The following TRAPPC9 variants were observed in gnomAD, a reference collection of about 807,000 sequenced individuals.
TRAPPC9 encodes the protein trafficking protein particle complex subunit 9.
Under a neutral mutation model 124.0 loss-of-function variants are expected in TRAPPC9, and 83 were observed. The observed-to-expected ratio is 0.67, with a 90% CI of 0.56 to 0.80. The LOEUF (loss-of-function observed/expected upper bound fraction) is 0.80. Ranked by LOEUF, TRAPPC9 falls within the 30% of genes least tolerant of loss-of-function variation. TRAPPC9 has a pLI of 0.00. For synonymous variants in TRAPPC9, 638 were observed against 617.5 expected (o/e 1.03, Z -0.49); for missense variants, 1,302 against 1,508.3 (o/e 0.86, Z 2.27).
intron 2 of TRAPPC9, among the ~76,000 whole-genome samples, chr8:140,447,004 C>A (rs771206240): frequency 1.3e-5 from 2 of 152,204 alleles, no homozygotes; most frequent in African/African-American, 4.8e-5. Context: ...CCTTCATGCA[C>A]GGCCCACAGC....
chr8:140,194,081 C>T (rs956052368), intron 17 of TRAPPC9, among the ~76,000 whole-genome samples: 1 of 152,200 alleles, frequency 6.6e-6, no homozygotes, highest in African/African-American at 2.4e-5. Context: ...GGGTTGAACT[C>T]TCTGAAAATT....
At chr8:139,781,574 C>A (rs1028611865) in intron 21 of TRAPPC9, among the ~76,000 whole-genome samples, 25 of 152,166 alleles carry the variant, frequency 1.6e-4, no homozygotes, top group African/African-American at 6.0e-4. Flanking sequence ...TTTATTCAAA[C>A]GCATAGAATG....
chr8:140,063,851 C>T lies in TRAPPC9; in HGVS notation c.2557-39772G>A, dbSNP rs145317814. ...CACCCTTTCGGGTTCACAATTTGCC[C>T]GCTTCCTATCACACCCCTAAATGCA... On this transcript the variant is annotated intron_variant, in intron 17 of 22. Coordinates refer to ENST00000438773, the MANE Select transcript of TRAPPC9 (RefSeq NM_001160372.4). The surrounding 1 kb of genome is among the most constrained non-coding windows in gnomAD (Gnocchi z 4.3). 4.3e-4 allele frequency among the ~76,000 whole-genome samples: 65 copies of T among 152,182 alleles called. No homozygotes were observed. Among genetic ancestry groups the T allele is most frequent in the African/African-American group, 1.5e-3 (63 of 41,500 alleles).
intron 17 of TRAPPC9, among the ~76,000 whole-genome samples, chr8:140,129,005 T>TATATATATTAA (rs1563783126): frequency 0.12 from 15,714 of 132,178 alleles, 1,212 homozygotes; most frequent in Admixed American, 0.17. Flanking sequence ...ATATATATAT[T>TATATATATTAA]AAAAAAAAAA....
intron 15 of TRAPPC9, among the ~76,000 whole-genome samples, chr8:140,264,802 G>A (rs542870974): frequency 3.8e-4 from 58 of 152,264 alleles, no homozygotes; most frequent in African/African-American, 1.3e-3. Context: ...TCTTGGGACT[G>A]CAACTAAACA....
At chr8:140,292,462 C>A (rs770374773) in intron 11 of TRAPPC9, among the ~76,000 whole-genome samples, 2 of 152,196 alleles carry the variant, frequency 1.3e-5, no homozygotes, top group East Asian at 1.9e-4. Flanking sequence ...CAGATAAGAA[C>A]GTCTGTTGAC....
chr8:140,422,973 G>C (rs2070274786), intron 5 of TRAPPC9, among the ~76,000 whole-genome samples: 2 of 152,104 alleles, frequency 1.3e-5, no homozygotes, highest in African/African-American at 4.8e-5. Context: ...CAATCAAAAA[G>C]GTAACAAGTA....
At position 140,119,201 on chromosome 8, in the gene TRAPPC9, G is replaced by A. The variant is rs927902045; in HGVS notation, c.2557-95122C>T. On this transcript the variant is annotated intron_variant, in intron 17 of 22. Coordinates refer to ENST00000438773, the MANE Select transcript of TRAPPC9 (RefSeq NM_001160372.4). ...CCAGCCAAACCACGCCAGGCGTGGC[G>A]TCCTGCAGCCAGCAAGCACACGGGG... Among the ~76,000 whole-genome samples the A allele has an allele frequency of 3.9e-5, 6 of 152,240 alleles. No homozygotes were observed. In the South Asian group the frequency reaches 8.3e-4, roughly 21 times the overall value.
chr8:140,369,955 G>GA (rs1279681897), intron 8 of TRAPPC9, among the ~76,000 whole-genome samples: 3 of 151,136 alleles, frequency 2.0e-5, no homozygotes, highest in African/African-American at 7.3e-5. Context: ...TCTGTCTCAG[G>GA]AAAAAAAATA....
intron 17 of TRAPPC9, among the ~76,000 whole-genome samples, chr8:140,127,089 C>G (rs4377941): frequency 0.48 from 72,918 of 151,996 alleles, 17,822 homozygotes; most frequent in Admixed American, 0.57. Flanking sequence ...AACCAAGAGA[C>G]AGAAACCCTC....
intron 21 of TRAPPC9, among the ~76,000 whole-genome samples, chr8:139,756,352 G>T (rs1323192227): frequency 7.0e-6 from 1 of 142,874 alleles, no homozygotes; most frequent in East Asian, 2.2e-4. Context: ...AGGAGCCAGG[G>T]TGGGGGTAGA....
chr8:140,359,131 C>T (rs114076928), intron 9 of TRAPPC9, among the ~76,000 whole-genome samples: 2,982 of 152,310 alleles, frequency 0.02, 97 homozygotes, highest in African/African-American at 0.068. Context: ...GCAGGGCTCC[C>T]CGTGCAGCTG....
At chr8:140,376,316 G>C (rs1414934418) in intron 7 of TRAPPC9, among the ~76,000 whole-genome samples, 1 of 152,076 alleles carries the variant, frequency 6.6e-6, no homozygotes, top group Non-Finnish European at 1.5e-5. Flanking sequence ...TAGCACTTTG[G>C]GAGGATGAGG....
chr8:140,235,120 T>C (rs1292495678), intron 16 of TRAPPC9, among the ~76,000 whole-genome samples: 1 of 152,102 alleles, frequency 6.6e-6, no homozygotes, highest in Non-Finnish European at 1.5e-5. Context: ...TACAAGCGCC[T>C]GCCACCATGC....
In TRAPPC9 at chr8:140,049,550, C is replaced by A. The variant is rs72685265; in HGVS notation, c.2557-25471G>T. ...GAAGATAAATCCTACAGGGCTCCCCCCCCCGAGACCACCAAATTATTTCCC... is the reference window on the plus strand; with the variant it reads ...GAAGATAAATCCTACAGGGCTCCCCACCCCGAGACCACCAAATTATTTCCC... On this transcript the variant is annotated intron_variant, in intron 17 of 22. Transcript: ENST00000438773. Among the ~76,000 whole-genome samples the A allele has an allele frequency of 5.4e-3, 815 of 151,944 alleles. 13 individuals are homozygous for A. The highest frequency in any genetic ancestry group is 0.018 in the African/African-American group (746 of 41,382).
intron 17 of TRAPPC9, among the ~76,000 whole-genome samples, chr8:140,214,943 G>C (rs904822727): frequency 6.6e-6 from 1 of 152,162 alleles, no homozygotes; most frequent in Admixed American, 6.5e-5. Context: ...TATAGGTTTA[G>C]CACGATTCCA....
chr8:139,736,874 T>C (rs1043269155), intron 21 of TRAPPC9, among the ~76,000 whole-genome samples: 1 of 152,144 alleles, frequency 6.6e-6, no homozygotes, highest in African/African-American at 2.4e-5. Context: ...TGGGCTCATT[T>C]CTGCAGGGCC....
At chr8:140,272,036 GGTGGTGGTT>G (rs1181736640) in intron 15 of TRAPPC9, among the ~76,000 whole-genome samples, 2 of 150,956 alleles carry the variant, frequency 1.3e-5, no homozygotes, top group South Asian at 2.1e-4. Flanking sequence ...CAGTGGTAAT[GGTGGTGGTT>G]GTGGTGGTTA....
chr8:139,730,182 C>T lies in TRAPPC9; in HGVS notation c.*879G>A, dbSNP rs1817732043. ...CACCTCCCAGACAAGCTGCTGGTGA[C>T]CAGATTCCTGTCTCAGCGTTTGCTT... On this transcript the variant is annotated 3_prime_UTR_variant, in exon 23 of 23. Transcript: ENST00000438773. Among the ~76,000 whole-genome samples the T allele has an allele frequency of 6.6e-6, 1 of 152,194 alleles. No homozygotes were observed. Among genetic ancestry groups the T allele is most frequent in the Non-Finnish European group, 1.5e-5 (1 of 68,034 alleles).
Sources: allele counts gnomAD v4.1 joint callset (sites outside exome capture counted in the v4.1 genomes callset), GRCh38; gene constraint gnomAD v4.1.1; non-coding constraint Gnocchi (gnomAD v3.1); transcripts MANE v1.5; gene names NCBI Gene and HGNC (gene_info 2026-07-23, HGNC 2026-07-21).